Variants in NECAB1 observed in about 807,000 individuals in gnomAD.
NECAB1 encodes the protein N-terminal EF-hand calcium binding protein 1.
NECAB1 carries 29 observed loss-of-function variants against 57.5 expected under a neutral mutation model. The ratio of observed to expected loss-of-function variants is 0.50; its 90% CI spans 0.38 to 0.69. The LOEUF is 0.69. Among genes scored for constraint, NECAB1 ranks in the 30% least tolerant of loss-of-function variants. NECAB1 has a pLI of 0.00. For missense variants in NECAB1, 372 were observed against 413.8 expected (o/e 0.90, Z 0.88); for synonymous variants, 142 against 147.7 (o/e 0.96, Z 0.28).
At chr8:90,903,370 A>G (rs1295436496) in intron 5 of NECAB1, among the ~76,000 whole-genome samples, 1 of 151,684 alleles carries the variant, frequency 6.6e-6, no homozygotes, top group Non-Finnish European at 1.5e-5. Context: ...ATTTTCATAC[A>G]GCTTTATCTG....
At chr8:90,943,169 G>C (rs2130247265) in intron 10 of NECAB1, among the ~76,000 whole-genome samples, 1 of 152,332 alleles carries the variant, frequency 6.6e-6, no homozygotes, top group South Asian at 2.1e-4. Context: ...GAGTGAGAGA[G>C]TGGATAGATT....
chr8:90,818,906 T>C (rs993800877), intron 2 of NECAB1, among the ~76,000 whole-genome samples: 2 of 152,066 alleles, frequency 1.3e-5, no homozygotes, highest in Non-Finnish European at 2.9e-5. Context: ...TTCTTGGATT[T>C]TTTTAAATTC....
chr8:90,882,013 C>T (rs1186458932), intron 5 of NECAB1, among the ~76,000 whole-genome samples: 1 of 152,122 alleles, frequency 6.6e-6, no homozygotes, highest in East Asian at 1.9e-4. Flanking sequence ...CAAAGAGTGG[C>T]ATGATGTAAG....
chr8:90,799,693 T>G (rs1468783431), intron 1 of NECAB1, among the ~76,000 whole-genome samples: 1 of 152,218 alleles, frequency 6.6e-6, no homozygotes, highest in Non-Finnish European at 1.5e-5. Flanking sequence ...TACCATGCTG[T>G]TTTGTCTACT....
chr8:90,934,488 G>A (rs1810484707), intron 9 of NECAB1, 131 bp downstream of exon 9: 2 of 638,136 alleles, frequency 3.1e-6, no homozygotes, highest in African/African-American at 1.9e-5. Context: ...ATAAGATTCA[G>A]TAGTGTTGTT....
rs1218003982 is a variant in NECAB1 at position 90,875,457 on chromosome 8, C to T, written c.259+3304C>T. Among the ~76,000 whole-genome samples the T allele has an allele frequency of 8.6e-5, 11 of 127,520 alleles. No homozygotes were observed. The South Asian group carries it at 1.0e-3, about 12-fold the overall frequency. The allele number at this position is 127,520 out of a possible 152,430, so 83.7% of individuals were successfully genotyped here. On this transcript the variant is annotated intron_variant, in intron 4 of 12. Coordinates refer to ENST00000417640, the MANE Select transcript of NECAB1 (RefSeq NM_022351.5). ...GATTGCGCCACTGCAGTCCGCAGTC[C>T]GGCCTGGGCGACAGAGCGAGACTCC... is the stretch of plus-strand genomic sequence containing the variant.
intron 5 of NECAB1, among the ~76,000 whole-genome samples, chr8:90,906,883 A>ATATATGTATATATATATGTATG (rs1554574051): frequency 1.2e-5 from 1 of 80,758 alleles, no homozygotes; most frequent in African/African-American, 4.8e-5. Context: ...ACACATATAT[A>ATATATGTATATATATATGTATG]TATATATATA....
intron 10 of NECAB1, among the ~76,000 whole-genome samples, chr8:90,942,007 A>G (rs1810681845): frequency 6.6e-6 from 1 of 152,234 alleles, no homozygotes; most frequent in Non-Finnish European, 1.5e-5. Context: ...ACATGTGTGC[A>G]TAAACAGATA....
At chr8:90,879,846 T>C (rs1808805501) in intron 4 of NECAB1, among the ~76,000 whole-genome samples, 1 of 152,240 alleles carries the variant, frequency 6.6e-6, no homozygotes, top group South Asian at 2.1e-4. Context: ...AAAGAATCTT[T>C]ATAAGAGATA....
chr8:90,805,899 A>G (rs1563492136), intron 2 of NECAB1, among the ~76,000 whole-genome samples: 2 of 152,132 alleles, frequency 1.3e-5, no homozygotes, highest in Non-Finnish European at 1.5e-5. Flanking sequence ...TGTTCATCTT[A>G]TAACTGAAAG....
chr8:90,923,397 T>C (rs1227520730), intron 6 of NECAB1, among the ~76,000 whole-genome samples: 1 of 152,028 alleles, frequency 6.6e-6, no homozygotes, highest in African/African-American at 2.4e-5. Context: ...CAGACTCCAG[T>C]TGGGGCGTGC....
At chr8:90,842,692 C>T (rs1013612587) in intron 3 of NECAB1, among the ~76,000 whole-genome samples, 5 of 152,354 alleles carry the variant, frequency 3.3e-5, no homozygotes, top group Admixed American at 6.5e-5. Flanking sequence ...TCTGTAACAA[C>T]ACAAACTGCC....
chr8:90,951,273 A>G (rs1810919168), intron 12 of NECAB1, 69 bp downstream of exon 12: 3 of 854,402 alleles, frequency 3.5e-6, no homozygotes, highest in Non-Finnish European at 5.6e-6. Flanking sequence ...CGTAAAAGAT[A>G]GTATGCTCTT....
rs577849095 is a variant in NECAB1, at chr8:90,933,829, C to T, written c.694-475C>T. ...TTTCATTTACTCTTTAATTCACTTT[C>T]TATTTAATAAAGAAAAATTAACACC... On this transcript the variant is annotated intron_variant, in intron 8 of 12. Coordinates refer to ENST00000417640, the MANE Select transcript of NECAB1 (RefSeq NM_022351.5). Among the ~76,000 whole-genome samples the T allele has an allele frequency of 2.0e-5, 3 of 152,186 alleles. No individual in the cohort carries two copies. In the South Asian group the frequency reaches 6.2e-4, roughly 32 times the overall value.
At chr8:90,939,661 TA>T (rs1179247147) in intron 9 of NECAB1, among the ~76,000 whole-genome samples, 2 of 152,208 alleles carry the variant, frequency 1.3e-5, no homozygotes, top group African/African-American at 4.8e-5. Flanking sequence ...GAAAAGGATA[TA>T]TCCATCATTA....
chr8:90,798,385 G>T (rs926243796), intron 1 of NECAB1, among the ~76,000 whole-genome samples: 5 of 152,184 alleles, frequency 3.3e-5, no homozygotes, highest in Non-Finnish European at 7.3e-5. Context: ...GGGTACAAAT[G>T]ATTCCATCAC....
intron 5 of NECAB1, among the ~76,000 whole-genome samples, chr8:90,916,860 G>A (rs1339181214): frequency 6.6e-6 from 1 of 152,124 alleles, no homozygotes; most frequent in Non-Finnish European, 1.5e-5. Flanking sequence ...TTGTGGCTCA[G>A]GTGTTGTCCT....
intron 2 of NECAB1, among the ~76,000 whole-genome samples, chr8:90,819,820 C>A (rs941645732): frequency 2.0e-5 from 3 of 151,874 alleles, no homozygotes; most frequent in Admixed American, 6.6e-5. Context: ...TGGGACAGGG[C>A]TCTGGTAAAG....
rs1461022886 is a variant in NECAB1, at chr8:90,955,719, A to T, written c.*207A>T. ...TTTTCAAAGTTCACTAATATTCTCA[A>T]TATTTAATGCTAAATGCTTTGCTAC... On this transcript the variant is annotated 3_prime_UTR_variant, in exon 13 of 13. Coordinates refer to ENST00000417640, the MANE Select transcript of NECAB1 (RefSeq NM_022351.5). The T allele has an allele frequency of 1.3e-5, 6 of 458,924 alleles. No homozygotes were observed. In the Admixed American group the frequency reaches 2.5e-4, roughly 19 times the overall value. 28.4% of individuals were successfully genotyped at this position (458,924 alleles called of 1,614,324 possible). A position where few individuals can be genotyped will look rare whatever the true frequency, so the allele number is the denominator to read the frequency against.
Sources: allele counts gnomAD v4.1 joint callset (sites outside exome capture counted in the v4.1 genomes callset), GRCh38; gene constraint gnomAD v4.1.1; transcripts MANE v1.5; gene names NCBI Gene and HGNC (gene_info 2026-07-23, HGNC 2026-07-21).